Variants in CNKSR2 observed in about 807,000 individuals in gnomAD.
CNKSR2 encodes the protein connector enhancer of kinase suppressor of Ras 2, also known as CNK homolog protein 2.
CNKSR2 carries 14 observed loss-of-function variants against 84.4 expected under a neutral mutation model. The observed-to-expected ratio is 0.17, with a 90% CI of 0.11 to 0.26. The LOEUF is 0.26. Among genes scored for constraint, CNKSR2 ranks in the 10% least tolerant of loss-of-function variants. CNKSR2 has a pLI of 1.00. For synonymous variants in CNKSR2, 275 were observed against 277.9 expected, an observed-to-expected ratio of 0.99 and a Z score of 0.10; for missense variants, 485 against 771.2, an observed-to-expected ratio of 0.63 and a Z score of 4.40.
Position 21,596,567 on chromosome X carries a change from T to C in CNKSR2, c.1976+1172T>C, listed in dbSNP as rs148676449. 4.5e-3 allele frequency among the ~76,000 whole-genome samples: 506 copies of C among 111,478 alleles called. 4 individuals are homozygous for C. The highest frequency in any genetic ancestry group is 0.014 in the Middle Eastern group (3 of 210). ...ACCCAGGCATTTTTAAGCACAAAACTGTATAGCTGCATAAATTTGCTTGAA... is the reference window on the plus strand; with the variant it reads ...ACCCAGGCATTTTTAAGCACAAAACCGTATAGCTGCATAAATTTGCTTGAA... On this transcript the variant is annotated intron_variant, in intron 17 of 21. Transcript: ENST00000379510.
chrX:21,529,609 A>G (rs2091867255), intron 10 of CNKSR2, among the ~76,000 whole-genome samples: 1 of 110,625 alleles, frequency 9.0e-6, no homozygotes, highest in South Asian at 3.8e-4. Context: ...GAAAGGTGTA[A>G]AAACTCTTTA....
intron 13 of CNKSR2, among the ~76,000 whole-genome samples, chrX:21,564,036 G>A (rs1569244602): frequency 9.0e-6 from 1 of 111,082 alleles, no homozygotes; most frequent in Non-Finnish European, 1.9e-5. Flanking sequence ...TTTGAATGGA[G>A]AATAAAATAT....
At chrX:21,415,871 C>CACAT (rs1555915679) in intron 1 of CNKSR2, among the ~76,000 whole-genome samples, 6 of 54,671 alleles carry the variant, frequency 1.1e-4, no homozygotes, top group East Asian at 5.8e-4. Context: ...CACACACACA[C>CACAT]ATATATATAT....
chrX:21,580,857 G>A (rs1366981214), intron 13 of CNKSR2, among the ~76,000 whole-genome samples: 2 of 111,541 alleles, frequency 1.8e-5, no homozygotes, highest in Non-Finnish European at 3.8e-5. Context: ...CAAAAGACAG[G>A]CAAATCTACT....
intron 4 of CNKSR2, among the ~76,000 whole-genome samples, chrX:21,451,975 G>A (rs747352889): frequency 9.9e-5 from 11 of 111,595 alleles, no homozygotes; most frequent in Non-Finnish European, 2.1e-4. Flanking sequence ...GTTCATAATG[G>A]GAATTAACTC....
intron 15 of CNKSR2, chrX:21,593,055 A>G (rs897723932): frequency 9.0e-6 from 1 of 110,744 alleles, no homozygotes; most frequent in Non-Finnish European, 1.9e-5. Context: ...TCTACAGTAT[A>G]CATTGCAAGA....
chrX:21,397,506 C>G (rs1322702928), intron 1 of CNKSR2, among the ~76,000 whole-genome samples: 1 of 110,756 alleles, frequency 9.0e-6, no homozygotes, highest in Non-Finnish European at 1.9e-5. Context: ...ACCACATGTT[C>G]TCACTCATAT....
chrX:21,541,272 C>T (rs1391994314), intron 11 of CNKSR2, among the ~76,000 whole-genome samples: 5 of 111,692 alleles, frequency 4.5e-5, no homozygotes, highest in Non-Finnish European at 9.4e-5. Flanking sequence ...TGAGCCACCA[C>T]GCCCGGCCTG....
At chrX:21,384,319 A>T (rs146570527) in intron 1 of CNKSR2, among the ~76,000 whole-genome samples, 242 of 111,664 alleles carry the variant, frequency 2.2e-3, no homozygotes, top group African/African-American at 7.0e-3. Flanking sequence ...CTCTGTTGGC[A>T]CTAATGTTAC....
intron 4 of CNKSR2, among the ~76,000 whole-genome samples, chrX:21,451,277 A>T (rs1371697660): frequency 1.8e-5 from 2 of 111,728 alleles, no homozygotes; most frequent in Non-Finnish European, 3.8e-5. Context: ...AGACTAGCAA[A>T]TAAATAACTG....
intron 11 of CNKSR2, among the ~76,000 whole-genome samples, chrX:21,545,107 G>A (rs941542684): frequency 7.2e-5 from 8 of 111,438 alleles, no homozygotes; most frequent in African/African-American, 2.0e-4. Context: ...ATCCCACCCC[G>A]ACAGAGCCCA....
intron 17 of CNKSR2, among the ~76,000 whole-genome samples, chrX:21,596,832 A>G (rs995332400): frequency 9.9e-5 from 11 of 111,398 alleles, no homozygotes; most frequent in African/African-American, 2.9e-4. Flanking sequence ...ATTTCACACC[A>G]AGCTATAAAA....
Position 21,563,467 on chromosome X carries a change from A to G in CNKSR2, c.1608+15A>G. On this transcript the variant is annotated intron_variant, in intron 13 of 21. Coordinates refer to ENST00000379510, the MANE Select transcript of CNKSR2 (RefSeq NM_014927.5). The stretch of plus-strand genomic sequence containing the variant: ...CACTATACCATGTAAGTAAAATTTC[A>G]AAGACTCTTCAATACAGCTTTTATT... The G allele has an allele frequency of 8.8e-7, 1 of 1,139,567 alleles. No individual in the cohort carries two copies. Among genetic ancestry groups the G allele is most frequent in the Non-Finnish European group, 1.2e-6 (1 of 835,357 alleles). The allele number at this position is 1,139,567 out of a possible 1,213,427, so 93.9% of individuals were successfully genotyped here. A position where few individuals can be genotyped will look rare whatever the true frequency, so the allele number is the denominator to read the frequency against.
intron 18 of CNKSR2, chrX:21,606,578 A>G: frequency 3.1e-6 from 1 of 325,312 alleles, no homozygotes; most frequent in South Asian, 9.3e-5. Flanking sequence ...GGATGTTAGA[A>G]TTAGGTGATT....
chrX:21,566,792 C>G (rs2092243083), intron 13 of CNKSR2, among the ~76,000 whole-genome samples: 1 of 111,553 alleles, frequency 9.0e-6, no homozygotes, highest in Non-Finnish European at 1.9e-5. Context: ...CTTCACTGTT[C>G]TGTTGTGGAA....
chrX:21,502,611 A>G (rs2091570666), intron 8 of CNKSR2, among the ~76,000 whole-genome samples: 1 of 111,064 alleles, frequency 9.0e-6, no homozygotes, highest in African/African-American at 3.3e-5. Context: ...GGCAAATGAC[A>G]TTTCAATTTT....
chrX:21,522,214 G>C (rs1457888327), intron 9 of CNKSR2, among the ~76,000 whole-genome samples: 1 of 110,914 alleles, frequency 9.0e-6, no homozygotes, highest in Non-Finnish European at 1.9e-5. Context: ...GTGCTAGAAT[G>C]ATGGGGTATT....
chrX:21,481,206 G>A (rs1342024998), intron 5 of CNKSR2, among the ~76,000 whole-genome samples: 5 of 111,309 alleles, frequency 4.5e-5, no homozygotes, highest in Non-Finnish European at 9.4e-5. Context: ...CAGTGAGATC[G>A]GTATTATTTT....
intron 3 of CNKSR2, among the ~76,000 whole-genome samples, chrX:21,438,475 C>T (rs748936939): frequency 6.9e-4 from 77 of 111,025 alleles, no homozygotes; most frequent in Non-Finnish European, 1.0e-3. Context: ...TGTAGTGGGG[C>T]GCTTGGTTAA....
Sources: gnomAD v4.1 joint callset for allele counts (sites outside exome capture counted in the v4.1 genomes callset) on GRCh38, gnomAD v4.1.1 for gene constraint, MANE v1.5 for transcripts, NCBI Gene and HGNC (gene_info 2026-07-23, HGNC 2026-07-21) for gene names.